PPP1R37: variants seen among roughly 807,000 people sequenced by gnomAD.
The protein encoded by PPP1R37 is leucine rich repeat containing 68.
A neutral mutation model predicts 61.0 loss-of-function variants in PPP1R37; 21 were observed. That is an observed-to-expected ratio of 0.34 (90% CI 0.24 to 0.50). The LOEUF (loss-of-function observed/expected upper bound fraction) is 0.50. Ranked by LOEUF, PPP1R37 falls within the 20% of genes least tolerant of loss-of-function variation. PPP1R37 has a pLI of 0.98. For missense variants in PPP1R37, 910 were observed against 952.7 expected, an observed-to-expected ratio of 0.96 and a Z score of 0.59; for synonymous variants, 443 against 433.5, an observed-to-expected ratio of 1.02 and a Z score of -0.27.
Position 45,145,117 on chromosome 19 carries a change from A to G in PPP1R37, c.1153A>G (p.Ile385Val), listed in dbSNP as rs947609449. Residue 385 changes from isoleucine (I) to valine (V), a missense_variant, in exon 10 of 13, where the codon ATC becomes GTC. Coordinates refer to ENST00000221462, the MANE Select transcript of PPP1R37 (RefSeq NM_019121.2). ...CEGAVAVAEFIAESPRLLRLD... is the reference protein window; with the variant it reads ...CEGAVAVAEFVAESPRLLRLD... Reference sequence around the variant, plus strand: ...AGGCGCGGTGGCGGTGGCGGAGTTCATCGCTGAGAGCCCCCGCCTCCTGAG... The same window carrying G: ...AGGCGCGGTGGCGGTGGCGGAGTTCGTCGCTGAGAGCCCCCGCCTCCTGAG... The G allele has an allele frequency of 6.5e-6, 10 of 1,533,786 alleles. No homozygotes were observed. The highest frequency in any genetic ancestry group is 1.4e-5 in the African/African-American group (1 of 72,722).
In PPP1R37 at chr19:45,145,823, T is replaced by TCCCTCTCCC; in HGVS notation, c.1770_1778dup (p.Ser591_Pro593dup). On this transcript the variant is annotated inframe_insertion, in exon 11 of 13. Coordinates refer to ENST00000221462, the MANE Select transcript of PPP1R37 (RefSeq NM_019121.2). ...CAGAGCCCCCTGCGTCCCCCACCCCTCCCTCTCCCCCACCCCCTCCCTCCC... is the reference window on the plus strand; with the variant it reads ...CAGAGCCCCCTGCGTCCCCCACCCCTCCCTCTCCCCCCTCTCCCCCACCCCCTCCCTCCC... The TCCCTCTCCC allele has an allele frequency of 4.1e-6, 1 of 243,358 alleles. No homozygotes were observed. Among genetic ancestry groups the TCCCTCTCCC allele is most frequent in the Non-Finnish European group, 5.8e-6 (1 of 171,018 alleles). 15.1% of individuals were successfully genotyped at this position (243,358 alleles called of 1,614,324 possible). A position where few individuals can be genotyped will look rare whatever the true frequency, so the allele number is the denominator to read the frequency against.
At chr19:45,103,506 C>T (rs959648584) in intron 1 of PPP1R37, among the ~76,000 whole-genome samples, 6 of 152,156 alleles carry the variant, frequency 3.9e-5, no homozygotes, top group South Asian at 2.1e-4. Flanking sequence ...CCACGGTCTC[C>T]GAGGCTCTCA....
At chr19:45,141,571 C>A in intron 5 of PPP1R37, 130 bp downstream of exon 5, 1 of 1,242,432 alleles carries the variant, frequency 8.0e-7, no homozygotes, top group Non-Finnish European at 1.1e-6. Context: ...GGATGCTGGG[C>A]CTGGCCCTCA....
intron 1 of PPP1R37, among the ~76,000 whole-genome samples, chr19:45,112,351 G>A (rs763882535): frequency 1.3e-5 from 2 of 152,226 alleles, no homozygotes; most frequent in Non-Finnish European, 2.9e-5. Context: ...CAAGACTTTC[G>A]CTAGAGTCTG....
Position 45,145,548 on chromosome 19 carries a change from A to G in PPP1R37, c.1492A>G (p.Ser498Gly), listed in dbSNP as rs1019242460. ...PAAGVQNGAP[S>G]PAPSPDSDSD... Reference sequence around the variant, plus strand: ...CGCTGGGGTGCAGAACGGGGCCCCCAGCCCCGCACCCAGCCCGGACTCAGA... The same window carrying G: ...CGCTGGGGTGCAGAACGGGGCCCCCGGCCCCGCACCCAGCCCGGACTCAGA... The change falls in exon 11 of 13, where the codon AGC becomes GGC. Residue 498 changes from serine to glycine, a missense_variant. This residue lies in a region of PPP1R37 where 549 missense variants were observed against 505.1 expected (regional missense o/e 1.09). Transcript: ENST00000221462. 21 of 1,534,450 alleles carry G rather than the reference A, an allele frequency of 1.4e-5. No individual in the cohort carries two copies. Among genetic ancestry groups the G allele is most frequent in the Non-Finnish European group, 1.7e-5 (19 of 1,146,366 alleles).
intron 1 of PPP1R37, among the ~76,000 whole-genome samples, chr19:45,095,639 T>A (rs1353553388): frequency 7.9e-5 from 12 of 151,654 alleles, no homozygotes; most frequent in Non-Finnish European, 1.5e-5. Context: ...GGTGCACGCC[T>A]GTAGTCCCAG....
chr19:45,093,671 T>A lies in PPP1R37; in HGVS notation c.202+144T>A, dbSNP rs1967953710. On this transcript the variant is annotated intron_variant, in intron 1 of 12. Transcript: ENST00000221462. ...GACAGTCGTCAGTTTAGAACCGTAGTCTGTTAGAAAGGGGGTGGCTATGGA... is the reference window on the plus strand; with the variant it reads ...GACAGTCGTCAGTTTAGAACCGTAGACTGTTAGAAAGGGGGTGGCTATGGA... 4.0e-5 allele frequency: 23 copies of A among 579,410 alleles called. No individual in the cohort carries two copies. The South Asian group carries it at 6.0e-4, about 15-fold the overall frequency. The allele number at this position is 579,410 out of a possible 1,614,324, so 35.9% of individuals were successfully genotyped here. A position where few individuals can be genotyped will look rare whatever the true frequency, so the allele number is the denominator to read the frequency against.
chr19:45,126,397 G>T (rs1968405121), intron 1 of PPP1R37, among the ~76,000 whole-genome samples: 1 of 152,178 alleles, frequency 6.6e-6, no homozygotes, highest in South Asian at 2.1e-4. Flanking sequence ...CAGCAGGGAG[G>T]CCCAGGGCAG....
chr19:45,104,202 T>C (rs563431043), intron 1 of PPP1R37, among the ~76,000 whole-genome samples: 3 of 152,298 alleles, frequency 2.0e-5, no homozygotes, highest in Admixed American at 2.0e-4. Flanking sequence ...TCTGCTCCGC[T>C]CGTCTGGGTT....
At chr19:45,114,187 A>C (rs531494527) in intron 1 of PPP1R37, among the ~76,000 whole-genome samples, 1 of 152,250 alleles carries the variant, frequency 6.6e-6, no homozygotes, top group African/African-American at 2.4e-5. Context: ...GCCTGTGTCA[A>C]CTGGGGTCTG....
At chr19:45,138,902 A>ATT (rs1968572009) in intron 2 of PPP1R37, among the ~76,000 whole-genome samples, 5 of 90,710 alleles carry the variant, frequency 5.5e-5, no homozygotes, top group Non-Finnish European at 1.1e-4. Flanking sequence ...AAATTTATGT[A>ATT]TTCTTTTTTT....
rs1396592660 is a variant in PPP1R37 at position 45,144,961 on chromosome 19, C to T, written c.1095C>T (p.Arg365=). The change falls in exon 9 of 13, where the codon CGC becomes CGT. Residue 365 remains arginine, a synonymous_variant. Transcript: ENST00000221462. ...TCATCAGCAACCGCAGCGTGCTGCG[C>T]CTCGGGCTGGCCTCCACCAAGCTCA... ...NGLISNRSVL[R]LGLASTKLTC... 1 of 1,535,452 alleles carries T rather than the reference C, an allele frequency of 6.5e-7. No individual in the cohort carries two copies. Among genetic ancestry groups the T allele is most frequent in the Admixed American group, 2.0e-5 (1 of 50,962 alleles).
intron 2 of PPP1R37, 80 bp downstream of exon 2, chr19:45,138,691 G>C: frequency 1.1e-6 from 1 of 911,646 alleles, no homozygotes; most frequent in Non-Finnish European, 1.7e-6. Context: ...GCAGGAGAGG[G>C]CCTCCCACTC....
At chr19:45,111,262 A>G (rs1299480386) in intron 1 of PPP1R37, among the ~76,000 whole-genome samples, 1 of 78,276 alleles carries the variant, frequency 1.3e-5, no homozygotes, top group Non-Finnish European at 2.6e-5. Flanking sequence ...CTTTTTAATT[A>G]TTATTATTAT....
At position 45,117,133 on chromosome 19, in the gene PPP1R37, G is replaced by A. The variant is rs2004151; in HGVS notation, c.203-21381G>A. 1.0e-3 allele frequency among the ~76,000 whole-genome samples: 156 copies of A among 152,084 alleles called. 2 individuals carry two copies. The East Asian group carries it at 0.022, about 21-fold the overall frequency. The stretch of plus-strand genomic sequence containing the variant: ...TCACCATATTGGTCAGGCTGGTCTC[G>A]AACTCCTGACCTCAAGTGATGCACC... On this transcript the variant is annotated intron_variant, in intron 1 of 12. Coordinates refer to ENST00000221462, the MANE Select transcript of PPP1R37 (RefSeq NM_019121.2).
At chr19:45,140,449 C>T (rs1026090343) in intron 3 of PPP1R37, 57 bp from the exon 4 acceptor site, 22 of 1,431,884 alleles carry the variant, frequency 1.5e-5, no homozygotes, top group Admixed American at 1.4e-4. Context: ...GAGGGCCCTT[C>T]CAGCCATGCA....
At chr19:45,107,727 G>A (rs531574454) in intron 1 of PPP1R37, among the ~76,000 whole-genome samples, 14 of 152,334 alleles carry the variant, frequency 9.2e-5, no homozygotes, top group Admixed American at 4.6e-4. Context: ...TGTTTTCAGC[G>A]TGTAATGCCA....
In PPP1R37 at chr19:45,146,559, C is replaced by A; in HGVS notation, c.*9-12C>A. 2.8e-6 allele frequency: 3 copies of A among 1,057,092 alleles called. 1 individual carries two copies. Among genetic ancestry groups the A allele is most frequent in the South Asian group, 2.8e-5 (2 of 71,436 alleles). 65.5% of individuals were successfully genotyped at this position (1,057,092 alleles called of 1,614,324 possible). A position where few individuals can be genotyped will look rare whatever the true frequency, so the allele number is the denominator to read the frequency against. On this transcript the variant is annotated splice_polypyrimidine_tract_variant and intron_variant, in intron 12 of 12. Coordinates refer to ENST00000221462, the MANE Select transcript of PPP1R37 (RefSeq NM_019121.2). ...GCTCTGACAGTCTCTCCCCCAATCT[C>A]TCCTCCCCAAGTTCCCTTTTTCCGG...
intron 1 of PPP1R37, among the ~76,000 whole-genome samples, chr19:45,102,412 T>G (rs941433940): frequency 1.3e-5 from 2 of 152,198 alleles, no homozygotes; most frequent in African/African-American, 4.8e-5. Context: ...TCACCCAGCT[T>G]CTTTGCCTCA....
Sources: gnomAD v4.1 joint callset for allele counts (sites outside exome capture counted in the v4.1 genomes callset) on GRCh38, gnomAD v4.1.1 for gene constraint, gnomAD v4.1.1 regional missense constraint, MANE v1.5 for transcripts, NCBI Gene and HGNC (gene_info 2026-07-23, HGNC 2026-07-21) for gene names.